Variants in AK9 observed in about 807,000 individuals in gnomAD.
The protein encoded by AK9 is adenylate kinase domain containing 1.
AK9 carries 191 observed loss-of-function variants against 239.6 expected under a neutral mutation model. That is an observed-to-expected ratio of 0.80 (90% CI 0.71 to 0.90). The LOEUF (loss-of-function observed/expected upper bound fraction) is 0.90. Ranked by LOEUF, AK9 falls within the 40% of genes least tolerant of loss-of-function variation. AK9 has a pLI of 0.00. For missense variants in AK9, 1,995 were observed against 2,214.7 expected, an observed-to-expected ratio of 0.90 and a Z score of 1.99; for synonymous variants, 689 against 721.0, an observed-to-expected ratio of 0.96 and a Z score of 0.71.
chr6:109,676,324 C>T (rs903878201), intron 1 of AK9, among the ~76,000 whole-genome samples: 9 of 151,896 alleles, frequency 5.9e-5, no homozygotes, highest in African/African-American at 1.9e-4. Flanking sequence ...TGCTCTTAAG[C>T]GGATTTCTAG....
At chr6:109,502,116 G>T (rs1777658838) in intron 35 of AK9, among the ~76,000 whole-genome samples, 1 of 152,146 alleles carries the variant, frequency 6.6e-6, no homozygotes, top group African/African-American at 2.4e-5. Flanking sequence ...GCCTTGTGGT[G>T]TTCCTGCCTT....
intron 27 of AK9, among the ~76,000 whole-genome samples, chr6:109,537,860 G>A (rs910365108): frequency 1.3e-4 from 20 of 152,052 alleles, no homozygotes; most frequent in African/African-American, 4.8e-4. Flanking sequence ...ATTTTGTTAT[G>A]TACCCAGTAG....
intron 1 of AK9, among the ~76,000 whole-genome samples, chr6:109,686,786 A>G (rs373282215): frequency 1.3e-5 from 2 of 152,224 alleles, no homozygotes; most frequent in East Asian, 1.9e-4. Context: ...TGGGATATCA[A>G]GTGACTATGC....
chr6:109,662,403 G>A, intron 6 of AK9, 148 bp downstream of exon 6: 1 of 617,086 alleles, frequency 1.6e-6, no homozygotes, highest in African/African-American at 1.9e-5. Context: ...CAAGAGCACA[G>A]AACTATGAGA....
At chr6:109,583,991 A>G (rs889725149) in intron 19 of AK9, among the ~76,000 whole-genome samples, 1 of 152,168 alleles carries the variant, frequency 6.6e-6, no homozygotes, top group Non-Finnish European at 1.5e-5. Flanking sequence ...GGAGCTAATT[A>G]GTAGATTTGT....
At chr6:109,549,956 G>A (rs759730797) in intron 25 of AK9, 134 bp downstream of exon 25, 86 of 965,140 alleles carry the variant, frequency 8.9e-5, no homozygotes, top group Non-Finnish European at 1.1e-4. Flanking sequence ...GAGCCACCGC[G>A]CCCGGCCTAG....
At chr6:109,651,811 G>C (rs1222236732) in intron 8 of AK9, among the ~76,000 whole-genome samples, 1 of 152,102 alleles carries the variant, frequency 6.6e-6, no homozygotes, top group African/African-American at 2.4e-5. Context: ...TAGAAGAAAT[G>C]GATAAATTCC....
intron 6 of AK9, among the ~76,000 whole-genome samples, chr6:109,661,341 G>A (rs1177730684): frequency 6.6e-6 from 1 of 152,168 alleles, no homozygotes; most frequent in Non-Finnish European, 1.5e-5. Context: ...GGAATGGCTT[G>A]TCTTCTCATG....
At chr6:109,609,319 T>C (rs1359573808) in intron 17 of AK9, among the ~76,000 whole-genome samples, 2 of 152,190 alleles carry the variant, frequency 1.3e-5, no homozygotes, top group Non-Finnish European at 2.9e-5. Context: ...CTGACCTTCA[T>C]GGAATTCCTA....
chr6:109,528,230 T>A (rs761382937), intron 29 of AK9: 1 of 332,290 alleles, frequency 3.0e-6, no homozygotes, highest in Non-Finnish European at 5.9e-6. Flanking sequence ...AGTAGTTAAC[T>A]GTACTTAATT....
chr6:109,689,807 A>AG (rs1774061743), intron 1 of AK9, among the ~76,000 whole-genome samples: 1 of 152,262 alleles, frequency 6.6e-6, no homozygotes, highest in South Asian at 2.1e-4. Flanking sequence ...AGAATCCTTC[A>AG]GGTATTTTAA....
intron 16 of AK9, 40 bp downstream of exon 16, chr6:109,611,970 C>T (rs1405624711): frequency 1.5e-6 from 2 of 1,349,314 alleles, no homozygotes; most frequent in Non-Finnish European, 2.0e-6. Flanking sequence ...TTTTTAGAAC[C>T]ACAATCTAAA....
intron 27 of AK9, among the ~76,000 whole-genome samples, chr6:109,541,124 G>A (rs992277076): frequency 2.6e-5 from 4 of 152,006 alleles, no homozygotes; most frequent in African/African-American, 9.7e-5. Flanking sequence ...CTTAGTTCAA[G>A]CCCCTTAGTA....
At chr6:109,531,849 T>G (rs749874842) in intron 28 of AK9, among the ~76,000 whole-genome samples, 10 of 152,186 alleles carry the variant, frequency 6.6e-5, no homozygotes, top group Non-Finnish European at 1.3e-4. Flanking sequence ...CACGTCTCCC[T>G]CCTCACATCC....
intron 8 of AK9, among the ~76,000 whole-genome samples, chr6:109,649,319 A>T (rs1199603107): frequency 1.3e-5 from 2 of 151,868 alleles, no homozygotes; most frequent in Admixed American, 1.3e-4. Flanking sequence ...TTTGCAGATG[A>T]CATGATTGCA....
chr6:109,508,214 G>T (rs182832783), intron 33 of AK9, among the ~76,000 whole-genome samples: 15 of 152,330 alleles, frequency 9.8e-5, no homozygotes, highest in Non-Finnish European at 2.2e-4. Flanking sequence ...CATAGAGAAT[G>T]TATGAGGGTG....
At chr6:109,517,257 T>C (rs1449342416) in intron 29 of AK9, among the ~76,000 whole-genome samples, 1 of 152,196 alleles carries the variant, frequency 6.6e-6, no homozygotes, top group African/African-American at 2.4e-5. Context: ...TCTTTCCAAG[T>C]TGGGGAGGCA....
At chr6:109,679,537 C>T (rs937574469) in intron 1 of AK9, among the ~76,000 whole-genome samples, 2 of 152,154 alleles carry the variant, frequency 1.3e-5, no homozygotes, top group Non-Finnish European at 2.9e-5. Context: ...CTTCAGCAGA[C>T]TTAAACATCC....
At chr6:109,497,740 A>G (rs1445354592) in intron 37 of AK9, 56 bp downstream of exon 37, 2 of 1,562,744 alleles carry the variant, frequency 1.3e-6, no homozygotes, top group South Asian at 1.2e-5. Context: ...TATTACATGA[A>G]CCACTTCTTT....
Sources: gnomAD v4.1 joint callset for allele counts (sites outside exome capture counted in the v4.1 genomes callset) on GRCh38, gnomAD v4.1.1 for gene constraint, MANE v1.5 for transcripts, NCBI Gene and HGNC (gene_info 2026-07-23, HGNC 2026-07-21) for gene names.